SP100: variants seen among roughly 807,000 people sequenced by gnomAD.
The protein encoded by SP100 is nuclear autoantigen Sp-100.
A neutral mutation model predicts 130.0 loss-of-function variants in SP100; 84 were observed. The ratio of observed to expected loss-of-function variants is 0.65; its 90% CI spans 0.54 to 0.77. The LOEUF (loss-of-function observed/expected upper bound fraction) is 0.77. Ranked by LOEUF, SP100 falls within the 30% of genes least tolerant of loss-of-function variation. The pLI, the probability that SP100 is intolerant of heterozygous loss-of-function variation, is 0.00. For synonymous variants in SP100, 331 were observed against 351.7 expected (o/e 0.94, Z 0.66); for missense variants, 978 against 1,052.2 (o/e 0.93, Z 0.97).
chr2:230,428,376 C>T (rs774177910), intron 2 of SP100, among the ~76,000 whole-genome samples: 104 of 151,638 alleles, frequency 6.9e-4, no homozygotes, highest in Non-Finnish European at 1.4e-3. Context: ...GGTGGAAGGG[C>T]GAAGGGGAAG....
intron 26 of SP100, 112 bp from the exon 27 acceptor site, chr2:230,541,189 G>A (rs2150117788): frequency 8.0e-7 from 1 of 1,243,436 alleles, no homozygotes; most frequent in East Asian, 2.3e-5. Context: ...CCCATGCCAT[G>A]TTTGTTTCAA....
chr2:230,462,430 T>C lies in SP100; in HGVS notation c.974-5T>C. The C allele has an allele frequency of 6.2e-7, 1 of 1,612,164 alleles. No individual in the cohort carries two copies. Among genetic ancestry groups the C allele is most frequent in the Non-Finnish European group, 8.5e-7 (1 of 1,178,226 alleles). On this transcript the variant is annotated splice_region_variant and splice_polypyrimidine_tract_variant and intron_variant, in intron 9 of 28. Transcript: ENST00000340126. ...ACTCTTAATGGTTTTTGCTCCTTTG[T>C]GCAGTCATCAGCAGTGAGGACTCTG...
chr2:230,536,370 G>A (rs990930649), intron 24 of SP100, among the ~76,000 whole-genome samples: 15 of 152,124 alleles, frequency 9.9e-5, no homozygotes, highest in Non-Finnish European at 2.2e-4. Context: ...GAACCCAATT[G>A]TCCCATAAAT....
chr2:230,469,441 A>G, intron 14 of SP100: 1 of 478,336 alleles, frequency 2.1e-6, no homozygotes, highest in Non-Finnish European at 4.1e-6. Context: ...AGAAACTGAG[A>G]TGGAAGCAGA....
chr2:230,501,756 C>T (rs1233029308), intron 19 of SP100, among the ~76,000 whole-genome samples: 3 of 152,206 alleles, frequency 2.0e-5, no homozygotes, highest in African/African-American at 7.2e-5. Context: ...AGAGCATCCA[C>T]TTTGTGTCCC....
intron 2 of SP100, among the ~76,000 whole-genome samples, chr2:230,422,649 A>G (rs1440879647): frequency 3.9e-5 from 6 of 152,132 alleles, no homozygotes; most frequent in African/African-American, 1.4e-4. Context: ...GCCCTTTTCT[A>G]TTCCCTGATC....
intron 2 of SP100, among the ~76,000 whole-genome samples, chr2:230,421,892 A>G (rs2062778269): frequency 6.6e-6 from 1 of 152,082 alleles, no homozygotes; most frequent in Non-Finnish European, 1.5e-5. Flanking sequence ...CTTTATTTCA[A>G]TTCTGACCAT....
chr2:230,541,958 G>A lies in SP100; in HGVS notation c.2470G>A (p.Glu824Lys), dbSNP rs138699152. 35 of 1,614,120 alleles carry A rather than the reference G, an allele frequency of 2.2e-5. No individual in the cohort carries two copies. The highest frequency in any genetic ancestry group is 4.0e-5 in the African/African-American group (3 of 75,060). Residue 824 changes from glutamate (E) to lysine (K), a missense_variant, in exon 28 of 29, where the codon GAG becomes AAG. Physicochemically the swap from Glu to Lys is moderately conservative, Grantham distance 56. Coordinates refer to ENST00000340126, the MANE Select transcript of SP100 (RefSeq NM_001080391.2). The part of the protein sequence containing the change: ...WLNKVKTSLN[E>K]QMYTRVEGFV... ...AAACAAAGTCAAGACAAGTTTGAAT[G>A]AGCAGATGTACACCCGAGTAGAAGG...
At chr2:230,512,313 G>A (rs747740353) in intron 24 of SP100, among the ~76,000 whole-genome samples, 11 of 117,250 alleles carry the variant, frequency 9.4e-5, no homozygotes, top group East Asian at 2.5e-4. Context: ...TTTTTGAGAC[G>A]GAGTCTCGCT....
chr2:230,427,382 G>A (rs925909552), intron 2 of SP100, among the ~76,000 whole-genome samples: 2 of 151,990 alleles, frequency 1.3e-5, no homozygotes, highest in Non-Finnish European at 2.9e-5. Flanking sequence ...GGCTGGTCTC[G>A]AGCTCCCGAC....
chr2:230,455,183 C>T (rs1031745060), intron 8 of SP100, among the ~76,000 whole-genome samples: 4 of 151,978 alleles, frequency 2.6e-5, no homozygotes, highest in Non-Finnish European at 5.9e-5. Context: ...CAGGCAATCC[C>T]CCCAAGTAGC....
intron 27 of SP100, 75 bp from the exon 28 acceptor site, chr2:230,541,816 CA>C: frequency 6.6e-7 from 1 of 1,510,548 alleles, no homozygotes; most frequent in Non-Finnish European, 9.0e-7. Flanking sequence ...GGGGGAACTC[CA>C]CAAACCTTTA....
intron 19 of SP100, among the ~76,000 whole-genome samples, chr2:230,500,501 G>A (rs1165492593): frequency 2.6e-5 from 4 of 152,230 alleles, no homozygotes; most frequent in Non-Finnish European, 5.9e-5. Flanking sequence ...TTAAACAAGA[G>A]ATAAACTGAG....
chr2:230,455,165 C>G (rs1305754549), intron 8 of SP100, among the ~76,000 whole-genome samples: 1 of 152,136 alleles, frequency 6.6e-6, no homozygotes, highest in African/African-American at 2.4e-5. Context: ...GCCTCAACCT[C>G]CTGGGCTCAG....
intron 21 of SP100, 143 bp from the exon 22 acceptor site, chr2:230,506,160 A>G: frequency 1.4e-6 from 1 of 739,402 alleles, no homozygotes; most frequent in Non-Finnish European, 2.3e-6. Flanking sequence ...CTGGGTATGA[A>G]GCCCCTGATA....
At chr2:230,538,427 C>G (rs550318426) in intron 24 of SP100, 1 of 152,138 alleles carries the variant, frequency 6.6e-6, no homozygotes. Context: ...AAAGGAAAAA[C>G]AGTTACAAGG....
intron 8 of SP100, among the ~76,000 whole-genome samples, chr2:230,453,980 G>A (rs777684086): frequency 2.0e-5 from 3 of 152,006 alleles, no homozygotes; most frequent in Non-Finnish European, 4.4e-5. Flanking sequence ...CTCATTATTG[G>A]TCTGTTCAGA....
intron 24 of SP100, among the ~76,000 whole-genome samples, chr2:230,527,722 G>A (rs1691497319): frequency 6.6e-6 from 1 of 152,202 alleles, no homozygotes; most frequent in Non-Finnish European, 1.5e-5. Context: ...TAAAGGGATG[G>A]AGGAAGATCT....
chr2:230,423,697 C>T (rs913372399), intron 2 of SP100, among the ~76,000 whole-genome samples: 6 of 152,090 alleles, frequency 3.9e-5, no homozygotes, highest in Non-Finnish European at 8.8e-5. Flanking sequence ...GCCTTTATAA[C>T]GTATAGTGTT....
Sources: gnomAD v4.1 joint callset for allele counts (sites outside exome capture counted in the v4.1 genomes callset) on GRCh38, gnomAD v4.1.1 for gene constraint, MANE v1.5 for transcripts, NCBI Gene and HGNC (gene_info 2026-07-23, HGNC 2026-07-21) for gene names.